The following KIAA0408 variants were observed in gnomAD, a reference collection of about 807,000 sequenced individuals.
KIAA0408 encodes KIAA0408, also known as uncharacterized protein KIAA0408.
KIAA0408 carries 51 observed loss-of-function variants against 60.9 expected under a neutral mutation model. That is an observed-to-expected ratio of 0.84 (90% CI 0.67 to 1.06). The LOEUF is 1.06. Among genes scored for constraint, KIAA0408 ranks in the 50% least tolerant of loss-of-function variants. The probability of loss-of-function intolerance (pLI) is 0.00; values close to 1 mark genes in which losing one functional copy is unlikely to be tolerated. For synonymous variants in KIAA0408, 304 were observed against 282.4 expected, an observed-to-expected ratio of 1.08 and a Z score of -0.77; for missense variants, 787 against 833.9, an observed-to-expected ratio of 0.94 and a Z score of 0.69.
intron 1 of KIAA0408, among the ~76,000 whole-genome samples, chr6:127,455,777 A>G (rs1214143250): frequency 6.6e-6 from 1 of 152,126 alleles, no homozygotes. Flanking sequence ...GCCATGCTCA[A>G]TTTCTGACCT....
intron 2 of KIAA0408, chr6:127,451,043 G>C (rs1298995256): frequency 4.1e-6 from 1 of 243,860 alleles, no homozygotes; most frequent in South Asian, 4.7e-5. Context: ...GTAGAATCCA[G>C]ATTACTTCTT....
rs759171711 is a variant in KIAA0408, at chr6:127,450,361, A to G, written c.136-9T>C. On this transcript the variant is annotated splice_polypyrimidine_tract_variant and intron_variant, in intron 2 of 5. Transcript: ENST00000483725. ...TTTACTTCCCGGCAAAGCTGTAAGA[A>G]AAACAAAACAAAATTAAAACTTCTT... The G allele has an allele frequency of 2.6e-5, 40 of 1,565,824 alleles. No individual in the cohort carries two copies. In the African/African-American group the frequency reaches 5.1e-4, roughly 20 times the overall value.
In KIAA0408 at chr6:127,447,740, C is replaced by A; in HGVS notation, c.579G>T (p.Arg193Ser). 1 of 1,535,466 alleles carries A rather than the reference C, an allele frequency of 6.5e-7. No homozygotes were observed. Among genetic ancestry groups the A allele is most frequent in the East Asian group, 2.3e-5 (1 of 44,292 alleles). The change falls in exon 5 of 6, where the codon AGG becomes AGT. Residue 193 changes from arginine (R) to serine (S), a missense_variant and splice_region_variant. Physicochemically the swap from Arg to Ser is moderately radical, Grantham distance 110 (BLOSUM62 -1). Coordinates refer to ENST00000483725, the MANE Select transcript of KIAA0408 (RefSeq NM_014702.5). ...CCTGGAGAAAAGAATCTGACTTCAT[C>A]CTAAACAATGATAAAACATGGTGTA... ...EEIRKRSNHR[R>S]MKSDSFLQEM... is the part of the protein sequence containing the mutation.
In KIAA0408 at chr6:127,446,931, T is replaced by TG; in HGVS notation, c.1387dup (p.His463ProfsTer14). 2 of 1,614,144 alleles carry TG rather than the reference T, an allele frequency of 1.2e-6. No homozygotes were observed. The highest frequency in any genetic ancestry group is 1.7e-6 in the Non-Finnish European group (2 of 1,180,012). ...ATCCTCCGATGATTTTGAGCAGCTG[T>TG]GATTTTGCTGTATTGCCTGACAATT... On this transcript the variant is annotated frameshift_variant, in exon 5 of 6. Transcript: ENST00000483725. LOFTEE classifies it high-confidence loss of function.
At position 127,450,049 on chromosome 6, in the gene KIAA0408, A is replaced by G. The variant is rs139221340; in HGVS notation, c.439T>C (p.Trp147Arg). 15 of 1,614,118 alleles carry G rather than the reference A, an allele frequency of 9.3e-6. No individual in the cohort carries two copies. The African/African-American group carries it at 2.0e-4, about 22-fold the overall frequency. ...ATDNQKECEA[W>R]PDLRTSEEDS... ...TCCTCAGAAGTCCTCAGGTCAGGCC[A>G]GGCCTCACATTCCTTTTGGTTGTCT... Residue 147 changes from tryptophan to arginine, a missense_variant, in exon 3 of 6, where the codon TGG becomes CGG. By Grantham distance (101) the Trp-to-Arg change is moderately radical. This residue lies in a region of KIAA0408 where 640 missense variants were observed against 681.3 expected (regional missense o/e 0.94). Transcript: ENST00000483725.
At chr6:127,455,926 T>G (rs1773384358) in intron 1 of KIAA0408, among the ~76,000 whole-genome samples, 1 of 152,166 alleles carries the variant, frequency 6.6e-6, no homozygotes. Flanking sequence ...GAGTTTTGGT[T>G]TTTGTTTGTT....
intron 5 of KIAA0408, 72 bp from the exon 6 acceptor site, chr6:127,444,354 A>C: frequency 8.4e-7 from 1 of 1,187,456 alleles, no homozygotes; most frequent in East Asian, 2.7e-5. Context: ...GATGGGTCTC[A>C]ACTATAAGAT....
In KIAA0408 at chr6:127,441,629, AATAAAGGGC is replaced by A. The variant is rs1350546845; in HGVS notation, c.*2471_*2479del. On this transcript the variant is annotated 3_prime_UTR_variant, in exon 6 of 6. Coordinates refer to ENST00000483725, the MANE Select transcript of KIAA0408 (RefSeq NM_014702.5). ...CCTTTAAATCTAGCAATGATAGCAT[AATAAAGGGC>A]ATATTCTAGGGAAGAAAATGCCCAC... 17 of 152,222 alleles carry A rather than the reference AATAAAGGGC, an allele frequency of 1.1e-4. No individual in the cohort carries two copies. The highest frequency in any genetic ancestry group is 4.1e-4 in the African/African-American group (17 of 41,448). 9.4% of individuals were successfully genotyped at this position (152,222 alleles called of 1,614,324 possible).
Position 127,447,057 on chromosome 6 carries a change from G to A in KIAA0408, c.1262C>T (p.Pro421Leu). 1 of 1,613,352 alleles carries A rather than the reference G, an allele frequency of 6.2e-7. No homozygotes were observed. Among genetic ancestry groups the A allele is most frequent in the Admixed American group, 1.7e-5 (1 of 59,932 alleles). ...AAAGCCACAACTGAAATTTCTAAGT[G>A]GGCTACTGCTCTCTGCTACTGAGGA... ...CSSSVAESSSPLRNFSCGFER... is the reference protein window; with the variant it reads ...CSSSVAESSSLLRNFSCGFER... The change falls in exon 5 of 6, where the codon CCA (proline) becomes CTA (leucine). Residue 421 changes from proline to leucine, a missense_variant. This residue lies in a region of KIAA0408 where 640 missense variants were observed against 681.3 expected (regional missense o/e 0.94). Transcript: ENST00000483725.
chr6:127,442,987 G>A lies in KIAA0408; in HGVS notation c.*1122C>T, dbSNP rs1031219059. 6.6e-6 allele frequency: 1 copy of A among 152,054 alleles called. No individual in the cohort carries two copies. Among genetic ancestry groups the A allele is most frequent in the Non-Finnish European group, 1.5e-5 (1 of 68,000 alleles). 9.4% of individuals were successfully genotyped at this position (152,054 alleles called of 1,614,324 possible). A position where few individuals can be genotyped will look rare whatever the true frequency, so the allele number is the denominator to read the frequency against. ...CTGTGGATGTCAAGGTTTAGTTTAA[G>A]CCTTTTTTCGGTAGCAAACTGTGAG... On this transcript the variant is annotated 3_prime_UTR_variant, in exon 6 of 6. Coordinates refer to ENST00000483725, the MANE Select transcript of KIAA0408 (RefSeq NM_014702.5).
Position 127,439,732 on chromosome 6 carries a change from T to C in KIAA0408, c.*4377A>G, listed in dbSNP as rs1314505986. 1 of 152,238 alleles carries C rather than the reference T, an allele frequency of 6.6e-6. No individual in the cohort carries two copies. Among genetic ancestry groups the C allele is most frequent in the African/African-American group, 2.4e-5 (1 of 41,468 alleles). The allele number at this position is 152,238 out of a possible 1,614,324, so 9.4% of individuals were successfully genotyped here. On this transcript the variant is annotated 3_prime_UTR_variant, in exon 6 of 6. Coordinates refer to ENST00000483725, the MANE Select transcript of KIAA0408 (RefSeq NM_014702.5). ...CTTCAAAAATATTTATTCTAAATATTATCTTGACTACTTAATTTTTCCTTC... is the reference window on the plus strand; with the variant it reads ...CTTCAAAAATATTTATTCTAAATATCATCTTGACTACTTAATTTTTCCTTC...
intron 1 of KIAA0408, among the ~76,000 whole-genome samples, chr6:127,455,706 A>G (rs1192568229): frequency 6.6e-6 from 1 of 152,152 alleles, no homozygotes; most frequent in East Asian, 1.9e-4. Context: ...TCAGTCACGA[A>G]AAATACATAA....
chr6:127,455,731 A>G (rs1773381069), intron 1 of KIAA0408, among the ~76,000 whole-genome samples: 1 of 152,130 alleles, frequency 6.6e-6, no homozygotes, highest in African/African-American at 2.4e-5. Flanking sequence ...ATATCTGGCT[A>G]TTAAAGGTGC....
Position 127,446,562 on chromosome 6 carries a change from T to A in KIAA0408, c.1757A>T (p.Asp586Val), listed in dbSNP as rs1189252440. 1 of 1,614,130 alleles carries A rather than the reference T, an allele frequency of 6.2e-7. No homozygotes were observed. Among genetic ancestry groups the A allele is most frequent in the Non-Finnish European group, 8.5e-7 (1 of 1,180,052 alleles). ...SALQNSKCFQ[D>V]NWTKCNSDVS... is the part of the protein sequence containing the mutation. ...ATCAGAATTACATTTGGTCCAATTA[T>A]CCTGGAAGCACTTAGAATTTTGCAA... Residue 586 changes from aspartate (D) to valine (V), a missense_variant, in exon 5 of 6, where the codon GAT (aspartate) becomes GTT (valine). By Grantham distance (152) the Asp-to-Val change is radical. Transcript: ENST00000483725.
chr6:127,449,885 G>A lies in KIAA0408; in HGVS notation c.515C>T (p.Ala172Val), dbSNP rs1262456328. ...GCTGCATAATTCTTCACTCACCTTC[G>A]CAAGTTCTTCAAGAGCCTTTACACA... ...GALSTALEEL[A>V]KVSEELCSFQ... The change falls in exon 4 of 6, where the codon GCG becomes GTG. Residue 172 changes from alanine to valine, a missense_variant. Transcript: ENST00000483725. The A allele has an allele frequency of 1.3e-5, 21 of 1,613,744 alleles. No individual in the cohort carries two copies. Among genetic ancestry groups the A allele is most frequent in the Admixed American group, 3.3e-5 (2 of 59,966 alleles).
At chr6:127,454,609 T>C (rs948904857) in intron 1 of KIAA0408, among the ~76,000 whole-genome samples, 8 of 152,116 alleles carry the variant, frequency 5.3e-5, no homozygotes, top group Admixed American at 3.9e-4. Flanking sequence ...GTGTTACTTA[T>C]GAAGACCCCA....
chr6:127,440,199 A>C lies in KIAA0408; in HGVS notation c.*3910T>G, dbSNP rs1773082494. ...GAATATGCATACAATAAAAATGACGAGAAATCATTTTTGGTACTTGTCTGA... is the reference window on the plus strand; with the variant it reads ...GAATATGCATACAATAAAAATGACGCGAAATCATTTTTGGTACTTGTCTGA... On this transcript the variant is annotated 3_prime_UTR_variant, in exon 6 of 6. Coordinates refer to ENST00000483725, the MANE Select transcript of KIAA0408 (RefSeq NM_014702.5). 6.6e-6 allele frequency: 1 copy of C among 152,174 alleles called. No individual in the cohort carries two copies. The highest frequency in any genetic ancestry group is 1.5e-5 in the Non-Finnish European group (1 of 68,028). The allele number at this position is 152,174 out of a possible 1,614,324, so 9.4% of individuals were successfully genotyped here.
chr6:127,452,497 A>G (rs1186747618), intron 2 of KIAA0408, among the ~76,000 whole-genome samples: 5 of 152,162 alleles, frequency 3.3e-5, no homozygotes, highest in African/African-American at 1.2e-4. Flanking sequence ...TAATTGATAA[A>G]GCTAATATTT....
chr6:127,447,177 G>A lies in KIAA0408; in HGVS notation c.1142C>T (p.Thr381Ile). ...RSPSTSWFQK[T>I]CSTPSNPKYE... ...TTTTGGATTACTGGGGGTAGAGCAGGTTTTCTGAAACCACGAAGTAGAGGG... is the reference window on the plus strand; with the variant it reads ...TTTTGGATTACTGGGGGTAGAGCAGATTTTCTGAAACCACGAAGTAGAGGG... Residue 381 changes from threonine to isoleucine, a missense_variant, in exon 5 of 6, where the codon ACC becomes ATC. Physicochemically the swap from Thr to Ile is moderately conservative, Grantham distance 89. Transcript: ENST00000483725. The A allele has an allele frequency of 6.2e-7, 1 of 1,612,554 alleles. No homozygotes were observed. Among genetic ancestry groups the A allele is most frequent in the Non-Finnish European group, 8.5e-7 (1 of 1,179,490 alleles).
Sources: allele counts gnomAD v4.1 joint callset (sites outside exome capture counted in the v4.1 genomes callset), GRCh38; gene constraint gnomAD v4.1.1; regional missense constraint gnomAD v4.1.1; transcripts MANE v1.5; gene names NCBI Gene and HGNC (gene_info 2026-07-23, HGNC 2026-07-21).